Variants in CACYBP observed in about 807,000 individuals in gnomAD.
CACYBP encodes calcyclin-binding protein.
Under a neutral mutation model 29.6 loss-of-function variants are expected in CACYBP, and 11 were observed. That is an observed-to-expected ratio of 0.37 (90% CI 0.23 to 0.61). The LOEUF is 0.61. Among genes scored for constraint, CACYBP ranks in the 20% least tolerant of loss-of-function variants. The pLI, the probability that CACYBP is intolerant of heterozygous loss-of-function variation, is 0.65. For synonymous variants in CACYBP, 73 were observed against 88.3 expected, an observed-to-expected ratio of 0.83 and a Z score of 0.97; for missense variants, 163 against 260.7, an observed-to-expected ratio of 0.63 and a Z score of 2.58.
intron 1 of CACYBP, among the ~76,000 whole-genome samples, chr1:175,001,917 TTTTTAGTAGCGACGGGG>T (rs1255067644): frequency 1.3e-5 from 2 of 152,182 alleles, no homozygotes; most frequent in African/African-American, 4.8e-5. Context: ...AATTTTTGTA[TTTTTAGTAGCGACGGGG>T]TTTCACCACG....
intron 1 of CACYBP, among the ~76,000 whole-genome samples, chr1:175,002,277 T>G (rs544971054): frequency 6.6e-6 from 1 of 152,346 alleles, no homozygotes; most frequent in South Asian, 2.1e-4. Context: ...CAACATTTGT[T>G]ATTTTCTGGG....
chr1:175,000,260 C>T (rs1334292702), intron 1 of CACYBP, 65 bp downstream of exon 1: 1 of 1,553,026 alleles, frequency 6.4e-7, no homozygotes, highest in Non-Finnish European at 8.7e-7. Context: ...GCCTCCCGCC[C>T]TACCGCCGTT....
chr1:175,000,976 C>T (rs1672463403), intron 1 of CACYBP, among the ~76,000 whole-genome samples: 1 of 152,126 alleles, frequency 6.6e-6, no homozygotes, highest in Non-Finnish European at 1.5e-5. Flanking sequence ...GAGGTGAAGA[C>T]GGGACAGTTA....
At chr1:175,000,480 C>G in intron 1 of CACYBP, 3 of 1,342,446 alleles carry the variant, frequency 2.2e-6, no homozygotes, top group Non-Finnish European at 2.9e-6. Context: ...GAGAGCGGCC[C>G]TTTGCGCGTG....
At chr1:175,005,049 G>T in intron 2 of CACYBP, 1 of 556,836 alleles carries the variant, frequency 1.8e-6, no homozygotes. Context: ...ACTACAAAAT[G>T]TAACAACAAG....
intron 5 of CACYBP, 112 bp from the exon 6 acceptor site, chr1:175,009,811 G>T: frequency 1.4e-6 from 1 of 725,328 alleles, no homozygotes; most frequent in South Asian, 2.2e-5. Flanking sequence ...ATATCTTTGG[G>T]TACTCTGTCT....
chr1:175,009,141 A>G (rs1553305245), intron 5 of CACYBP, among the ~76,000 whole-genome samples: 1 of 152,200 alleles, frequency 6.6e-6, no homozygotes, highest in Non-Finnish European at 1.5e-5. Context: ...TTCTAAAGGT[A>G]CTGACTAAAT....
At chr1:175,006,044 ATATT>A (rs1367554474) in intron 2 of CACYBP, among the ~76,000 whole-genome samples, 1 of 152,188 alleles carries the variant, frequency 6.6e-6, no homozygotes, top group East Asian at 1.9e-4. Flanking sequence ...ATGTATGTAT[ATATT>A]CTTGATAAAC....
At chr1:175,001,857 T>C (rs1672498574) in intron 1 of CACYBP, among the ~76,000 whole-genome samples, 1 of 152,214 alleles carries the variant, frequency 6.6e-6, no homozygotes, top group Non-Finnish European at 1.5e-5. Context: ...TTCTCCTGCC[T>C]TAGCCTCCTG....
At position 175,011,546 on chromosome 1, in the gene CACYBP, A is replaced by ATGT. The variant is rs1672757770; in HGVS notation, c.*1469_*1471dup. 6.6e-6 allele frequency: 1 copy of ATGT among 152,240 alleles called. No homozygotes were observed. Among genetic ancestry groups the ATGT allele is most frequent in the Admixed American group, 6.5e-5 (1 of 15,288 alleles). The allele number at this position is 152,240 out of a possible 1,614,324, so 9.4% of individuals were successfully genotyped here. On this transcript the variant is annotated 3_prime_UTR_variant, in exon 6 of 6. Transcript: ENST00000367679. ...ATTGATCAATTTTAACTACATAAAA[A>ATGT]TGTTTATAGGACAAGAAAAACCCCA... is the stretch of plus-strand genomic sequence containing the variant.
intron 5 of CACYBP, among the ~76,000 whole-genome samples, chr1:175,009,665 A>AT (rs1491294584): frequency 6.7e-6 from 1 of 148,384 alleles, no homozygotes; most frequent in Non-Finnish European, 1.5e-5. Context: ...AAAAAAAAAA[A>AT]TCATGGGAAA....
intron 1 of CACYBP, among the ~76,000 whole-genome samples, chr1:175,003,773 A>G (rs1017165991): frequency 1.3e-5 from 2 of 152,202 alleles, no homozygotes; most frequent in Non-Finnish European, 2.9e-5. Context: ...TTGGGGGAAA[A>G]AAAACTTAGG....
chr1:174,999,911 T>C (rs1177195463), upstream of CACYBP: 2 of 536,172 alleles, frequency 3.7e-6, no homozygotes, highest in Non-Finnish European at 6.5e-6. Flanking sequence ...GGGGCTAGGC[T>C]CGGCGAGGCG....
At chr1:175,009,475 G>C (rs1455518282) in intron 5 of CACYBP, among the ~76,000 whole-genome samples, 9 of 151,690 alleles carry the variant, frequency 5.9e-5, no homozygotes, top group Admixed American at 5.9e-4. Context: ...GTGAAACTCT[G>C]TCTCTACTAA....
intron 1 of CACYBP, among the ~76,000 whole-genome samples, chr1:175,003,546 CTATT>C (rs1672545947): frequency 6.6e-6 from 1 of 152,166 alleles, no homozygotes; most frequent in Admixed American, 6.5e-5. Flanking sequence ...TTTTATAAGA[CTATT>C]AAGAAACAGG....
chr1:175,011,453 A>T lies in CACYBP; in HGVS notation c.*1374A>T, dbSNP rs1672754785. The T allele has an allele frequency of 6.6e-6, 1 of 152,210 alleles. No individual in the cohort carries two copies. The highest frequency in any genetic ancestry group is 2.1e-4 in the South Asian group (1 of 4,836). 9.4% of individuals were successfully genotyped at this position (152,210 alleles called of 1,614,324 possible). On this transcript the variant is annotated 3_prime_UTR_variant, in exon 6 of 6. Transcript: ENST00000367679. ...TAATTGTAAAAAGTAAAGCATACAA[A>T]TACTAGAAGAAAATGGAGGAAAACG...
At position 175,010,082 on chromosome 1, in the gene CACYBP, C is replaced by T; in HGVS notation, c.*3C>T. 6.2e-7 allele frequency: 1 copy of T among 1,611,376 alleles called. No homozygotes were observed. The highest frequency in any genetic ancestry group is 2.2e-5 in the East Asian group (1 of 44,822). On this transcript the variant is annotated 3_prime_UTR_variant, in exon 6 of 6. Coordinates refer to ENST00000367679, the MANE Select transcript of CACYBP (RefSeq NM_014412.3). ...CCAAAGGAGACACGGAATTTTGAGACTTTAAAGTCGTTTTGGGAACTGTGA... is the reference window on the plus strand; with the variant it reads ...CCAAAGGAGACACGGAATTTTGAGATTTTAAAGTCGTTTTGGGAACTGTGA...
In CACYBP at chr1:175,004,703, G is replaced by C. The variant is rs1672572631; in HGVS notation, c.105G>C (p.Lys35Asn). The C allele has an allele frequency of 1.9e-6, 3 of 1,613,868 alleles. No homozygotes were observed. In the South Asian group the frequency reaches 3.3e-5, roughly 18 times the overall value. ...VRDALTAEKS[K>N]IETEIKNKMQ... ...ATGCCCTTACAGCTGAAAAATCCAA[G>C]ATTGAGACAGAAATCAAGAACAAGA... is the stretch of plus-strand genomic sequence containing the variant. Residue 35 changes from lysine (K) to asparagine (N), a missense_variant, in exon 2 of 6, where the codon AAG becomes AAC. Physicochemically the swap from Lys to Asn is moderately conservative, Grantham distance 94. Coordinates refer to ENST00000367679, the MANE Select transcript of CACYBP (RefSeq NM_014412.3).
intron 3 of CACYBP, 39 bp from the exon 4 acceptor site, chr1:175,007,059 T>C: frequency 7.4e-7 from 1 of 1,345,082 alleles, no homozygotes; most frequent in Non-Finnish European, 1.1e-6. Flanking sequence ...GTACCTTTCA[T>C]AGAACTAGAA....
Sources: gnomAD v4.1 joint callset for allele counts (sites outside exome capture counted in the v4.1 genomes callset) on GRCh38, gnomAD v4.1.1 for gene constraint, MANE v1.5 for transcripts, NCBI Gene and HGNC (gene_info 2026-07-23, HGNC 2026-07-21) for gene names.